The following TDRD1 variants were observed in gnomAD, a reference collection of about 807,000 sequenced individuals.
TDRD1 encodes the protein tudor domain-containing protein 1.
Under a neutral mutation model 140.6 loss-of-function variants are expected in TDRD1, and 37 were observed. The observed-to-expected ratio is 0.26, with a 90% CI of 0.20 to 0.35. TDRD1 has a LOEUF of 0.35. Among genes scored for constraint, TDRD1 ranks in the 10% least tolerant of loss-of-function variants. The probability of loss-of-function intolerance (pLI) is 1.00; values close to 1 mark genes in which losing one functional copy is unlikely to be tolerated. For synonymous variants in TDRD1, 506 were observed against 475.7 expected (o/e 1.06, Z -0.83); for missense variants, 1,243 against 1,393.0 (o/e 0.89, Z 1.71).
chr10:114,188,478 A>G (rs903556425), intron 2 of TDRD1, among the ~76,000 whole-genome samples: 13 of 152,168 alleles, frequency 8.5e-5, no homozygotes, highest in African/African-American at 3.1e-4. Flanking sequence ...ATACTGTGCA[A>G]ACTTCATGCA....
upstream of TDRD1, among the ~76,000 whole-genome samples, chr10:114,178,702 C>T (rs944232581): frequency 3.9e-5 from 6 of 152,044 alleles, no homozygotes; most frequent in African/African-American, 1.2e-4. Flanking sequence ...AGCAGACGTT[C>T]GCTACTTTGT....
chr10:114,188,472 T>G (rs1366251139), intron 2 of TDRD1, among the ~76,000 whole-genome samples: 1 of 152,240 alleles, frequency 6.6e-6, no homozygotes, highest in African/African-American at 2.4e-5. Context: ...TTAAAAATAC[T>G]GTGCAAACTT....
intron 11 of TDRD1, 60 bp from the exon 12 acceptor site, chr10:114,210,521 A>ATTT: frequency 7.3e-7 from 1 of 1,372,518 alleles, no homozygotes; most frequent in South Asian, 1.6e-5. Flanking sequence ...AGCGTGCATA[A>ATTT]TTTTTTTTTT....
intron 3 of TDRD1, among the ~76,000 whole-genome samples, chr10:114,196,096 C>T (rs2034328158): frequency 2.0e-5 from 3 of 152,190 alleles, no homozygotes; most frequent in African/African-American, 7.2e-5. Flanking sequence ...CTCAAACTCT[C>T]AAACATAATT....
exon 15 of TDRD1, chr10:114,213,575 G>A (rs2035623648): frequency 6.2e-7 from 1 of 1,613,694 alleles, no homozygotes; most frequent in Non-Finnish European, 8.5e-7. Context: ...CCAGTGACGT[G>A]AAAGAAACCA....
intron 21 of TDRD1, among the ~76,000 whole-genome samples, chr10:114,223,243 G>T (rs753173298): frequency 2.0e-5 from 3 of 152,210 alleles, no homozygotes; most frequent in Non-Finnish European, 2.9e-5. Flanking sequence ...GGTCCAATTG[G>T]CAGGCAAGCA....
intron 6 of TDRD1, among the ~76,000 whole-genome samples, chr10:114,202,599 A>AT (rs988855665): frequency 2.6e-5 from 4 of 151,980 alleles, no homozygotes; most frequent in East Asian, 1.9e-4. Flanking sequence ...TCTAAGGAGG[A>AT]TTTTTTTTCT....
chr10:114,227,846 A>G (rs2036528115), intron 23 of TDRD1, 64 bp from the exon 24 acceptor site: 2 of 1,332,704 alleles, frequency 1.5e-6, no homozygotes, highest in African/African-American at 1.4e-5. Context: ...ATATGTTTAC[A>G]CTCCCAAGTT....
intron 16 of TDRD1, among the ~76,000 whole-genome samples, chr10:114,214,336 C>T (rs2035674221): frequency 6.6e-6 from 1 of 152,138 alleles, no homozygotes. Flanking sequence ...AACTAGTTTA[C>T]ATTTCATAGA....
chr10:114,213,645 TAAA>T lies in TDRD1; in HGVS notation c.2074+58_2074+60del, dbSNP rs1160896592. ...TCTGGAGTTCAGATGGTTCTATAAATAAATAGTTTCTTGTACTTATAAAAAGAA... is the reference window on the plus strand; with the variant it reads ...TCTGGAGTTCAGATGGTTCTATAAATTAGTTTCTTGTACTTATAAAAAGAA... On this transcript the variant is annotated intron_variant, in intron 15 of 25. Transcript: ENST00000251864. The T allele has an allele frequency of 2.0e-6, 3 of 1,488,502 alleles. No homozygotes were observed. In the African/African-American group the frequency reaches 4.2e-5, roughly 21 times the overall value. The allele number at this position is 1,488,502 out of a possible 1,614,324, so 92.2% of individuals were successfully genotyped here.
At chr10:114,181,197 C>G (rs939008026) in intron 1 of TDRD1, among the ~76,000 whole-genome samples, 37 of 152,168 alleles carry the variant, frequency 2.4e-4, no homozygotes, top group African/African-American at 8.7e-4. Flanking sequence ...TACTCTTTAA[C>G]GTAGAGAAAT....
intron 3 of TDRD1, among the ~76,000 whole-genome samples, chr10:114,194,863 A>G (rs912247433): frequency 3.8e-4 from 57 of 148,096 alleles, no homozygotes; most frequent in African/African-American, 1.2e-3. Context: ...GACTCAAGCA[A>G]TCCCATTTGC....
At chr10:114,225,506 C>T (rs1424663259) in intron 21 of TDRD1, among the ~76,000 whole-genome samples, 1 of 151,752 alleles carries the variant, frequency 6.6e-6, no homozygotes, top group Non-Finnish European at 1.5e-5. Context: ...TGCTTTCCAG[C>T]TTCCAATATT....
At chr10:114,205,468 GTT>G (rs1173834097) in intron 10 of TDRD1, among the ~76,000 whole-genome samples, 1 of 152,124 alleles carries the variant, frequency 6.6e-6, no homozygotes, top group Non-Finnish European at 1.5e-5. Flanking sequence ...AAAATCTGTT[GTT>G]TGCTATGTTT....
intron 3 of TDRD1, among the ~76,000 whole-genome samples, chr10:114,192,364 C>T (rs1355296406): frequency 9.7e-5 from 12 of 123,744 alleles, no homozygotes; most frequent in Non-Finnish European, 1.6e-4. Flanking sequence ...AGTGCAGTGG[C>T]GCGATCTCGG....
intron 21 of TDRD1, among the ~76,000 whole-genome samples, chr10:114,224,971 T>G (rs950344550): frequency 1.2e-4 from 18 of 152,238 alleles, no homozygotes; most frequent in African/African-American, 4.3e-4. Context: ...ACTGATGGCC[T>G]TCACTGTGGG....
chr10:114,185,632 G>C (rs1278191111), intron 1 of TDRD1, among the ~76,000 whole-genome samples: 1 of 151,854 alleles, frequency 6.6e-6, no homozygotes, highest in Non-Finnish European at 1.5e-5. Context: ...TTGTTGCCCA[G>C]GCTGGAGTGC....
At chr10:114,178,934 C>G (rs2032798308), upstream of TDRD1, among the ~76,000 whole-genome samples, 1 of 151,288 alleles carries the variant, frequency 6.6e-6, no homozygotes. Flanking sequence ...TAATCACATG[C>G]CCTCAGTCAG....
chr10:114,210,761 T>C lies in TDRD1; in HGVS notation c.1552+13T>C. On this transcript the variant is annotated intron_variant, in intron 12 of 25. Coordinates refer to ENST00000251864, the Ensembl canonical transcript of TDRD1. ...CTGCAAAGTGGCCGTAAGTCAGCTTTCTTGATTTGCTCTATGAAGCTAAAA... is the reference window on the plus strand; with the variant it reads ...CTGCAAAGTGGCCGTAAGTCAGCTTCCTTGATTTGCTCTATGAAGCTAAAA... 6.2e-7 allele frequency: 1 copy of C among 1,608,540 alleles called. No homozygotes were observed. The highest frequency in any genetic ancestry group is 8.5e-7 in the Non-Finnish European group (1 of 1,175,454).
Sources: gnomAD v4.1 joint callset for allele counts (sites outside exome capture counted in the v4.1 genomes callset) on GRCh38, gnomAD v4.1.1 for gene constraint, MANE v1.5 for transcripts, NCBI Gene and HGNC (gene_info 2026-07-23, HGNC 2026-07-21) for gene names.